RPL32: variants seen among roughly 807,000 people sequenced by gnomAD.
RPL32 encodes the protein ribosomal protein L32, also known as large ribosomal subunit protein eL32.
For missense variants in RPL32, 117 were observed against 173.7 expected, an observed-to-expected ratio of 0.67 and a Z score of 1.83; for synonymous variants, 61 against 62.6, an observed-to-expected ratio of 0.98 and a Z score of 0.12.
intron 3 of RPL32, 52 bp from the exon 4 acceptor site, chr3:12,836,275 A>G: frequency 6.3e-7 from 1 of 1,597,940 alleles, no homozygotes; most frequent in Non-Finnish European, 8.5e-7. Flanking sequence ...ACACACTTGG[A>G]AAATTCCATT....
At chr3:12,839,681 GT>G (rs2062131606) in intron 2 of RPL32, 151 bp from the exon 3 acceptor site, 10 of 816,762 alleles carry the variant, frequency 1.2e-5, no homozygotes, top group Non-Finnish European at 1.8e-5. Context: ...TACTTTTTTG[GT>G]GGGAAAAACC....
At position 12,834,754 on chromosome 3, in the gene RPL32, C is replaced by T. The variant is rs1002357374; in HGVS notation, c.*1340G>A. 1 of 152,108 alleles carries T rather than the reference C, an allele frequency of 6.6e-6. No homozygotes were observed. Among genetic ancestry groups the T allele is most frequent in the African/African-American group, 2.4e-5 (1 of 41,422 alleles). The allele number at this position is 152,108 out of a possible 1,614,324, so 9.4% of individuals were successfully genotyped here. ...GACAAAGAAATACAAGTGGCAGGCC[C>T]AAGTATTTTCTGTGATATCCCAGGT... On this transcript the variant is annotated 3_prime_UTR_variant, in exon 4 of 4. Transcript: ENST00000429711.
chr3:12,836,318 A>G (rs1019319926), intron 3 of RPL32, 95 bp from the exon 4 acceptor site: 2 of 1,476,152 alleles, frequency 1.4e-6, no homozygotes, highest in Non-Finnish European at 1.9e-6. Flanking sequence ...CCAAGCTAAG[A>G]GAGGGCTGCT....
At chr3:12,840,093 G>A (rs748940930) in intron 2 of RPL32, 49 bp downstream of exon 2, 1 of 1,430,404 alleles carries the variant, frequency 7.0e-7, no homozygotes, top group Non-Finnish European at 9.9e-7. Flanking sequence ...GAAACTGTTG[G>A]AAACTCTTTT....
chr3:12,835,969 A>T lies in RPL32; in HGVS notation c.*125T>A. 1 of 1,198,726 alleles carries T rather than the reference A, an allele frequency of 8.3e-7. No homozygotes were observed. The highest frequency in any genetic ancestry group is 1.4e-5 in the South Asian group (1 of 71,112). 74.3% of individuals were successfully genotyped at this position (1,198,726 alleles called of 1,614,324 possible). A position where few individuals can be genotyped will look rare whatever the true frequency, so the allele number is the denominator to read the frequency against. On this transcript the variant is annotated 3_prime_UTR_variant, in exon 4 of 4. Transcript: ENST00000429711. ...AAATGGGAGATTCCAAAGGGGCTTA[A>T]GCAAAAGAACAATCTCTGTGGCAAA...
intron 1 of RPL32, chr3:12,841,230 G>A (rs958776109): frequency 2.6e-5 from 4 of 152,316 alleles, no homozygotes; most frequent in Non-Finnish European, 5.9e-5. Flanking sequence ...AGGAGACCCC[G>A]AAGTCTGGCC....
chr3:12,840,098 T>C, intron 2 of RPL32, 44 bp downstream of exon 2: 1 of 1,461,928 alleles, frequency 6.8e-7, no homozygotes, highest in Non-Finnish European at 9.6e-7. Flanking sequence ...TGTTGGAAAC[T>C]CTTTTCTTCA....
At chr3:12,836,617 A>T (rs2124882533) in intron 3 of RPL32, among the ~76,000 whole-genome samples, 1 of 152,280 alleles carries the variant, frequency 6.6e-6, no homozygotes, top group Middle Eastern at 3.4e-3. Flanking sequence ...CTCTTTGCAA[A>T]ATGGTCAAGA....
intron 2 of RPL32, 48 bp downstream of exon 2, chr3:12,840,094 A>G (rs2062136277): frequency 1.5e-6 from 2 of 1,337,762 alleles, no homozygotes; most frequent in South Asian, 1.2e-5. Flanking sequence ...AAACTGTTGG[A>G]AACTCTTTTC....
chr3:12,840,251 G>C lies in RPL32; in HGVS notation c.-5-9C>G. ...GAGGGCGGCCATGATGCCTTTTGGG[G>C]AAGAAGCGGCCCCAGGTGAGGAAGA... On this transcript the variant is annotated splice_polypyrimidine_tract_variant and intron_variant, in intron 1 of 3. Coordinates refer to ENST00000429711, the MANE Select transcript of RPL32 (RefSeq NM_000994.4). The C allele has an allele frequency of 6.2e-7, 1 of 1,603,270 alleles. No homozygotes were observed. Among genetic ancestry groups the C allele is most frequent in the South Asian group, 1.1e-5 (1 of 90,870 alleles).
rs2062135457 is a variant in RPL32, at chr3:12,840,013, T to A, written c.96+129A>T. 4 of 787,990 alleles carry A rather than the reference T, an allele frequency of 5.1e-6. No homozygotes were observed. In the Admixed American group the frequency reaches 7.3e-5, roughly 14 times the overall value. The allele number at this position is 787,990 out of a possible 1,614,324, so 48.8% of individuals were successfully genotyped here. ...GCACTAGGGCACACTGGGGGAGACC[T>A]GTATTTCTACAGAAAGCTCTTCCAC... is the stretch of plus-strand genomic sequence containing the variant. On this transcript the variant is annotated intron_variant, in intron 2 of 3. Transcript: ENST00000429711.
chr3:12,840,537 G>A (rs2062143531), intron 1 of RPL32: 1 of 538,156 alleles, frequency 1.9e-6, no homozygotes, highest in Admixed American at 1.9e-5. Context: ...AATTTGCAAG[G>A]GGCAGCAAAT....
rs1200460148 is a variant in RPL32, at chr3:12,839,126, C to CCT, written c.278+222_278+223insAG. ...GCAGTCTTTTCCTGGTCTTGGGTCT[C>CCT]TACACTTAGAAGACCAAGTCACCTC... On this transcript the variant is annotated intron_variant, in intron 3 of 3. Coordinates refer to ENST00000429711, the MANE Select transcript of RPL32 (RefSeq NM_000994.4). 2.5e-5 allele frequency: 15 copies of CCT among 598,578 alleles called. No homozygotes were observed. The Middle Eastern group carries it at 1.8e-3, about 71-fold the overall frequency. The allele number at this position is 598,578 out of a possible 1,614,324, so 37.1% of individuals were successfully genotyped here. A position where few individuals can be genotyped will look rare whatever the true frequency, so the allele number is the denominator to read the frequency against.
intron 1 of RPL32, 97 bp downstream of exon 1, chr3:12,841,397 C>T (rs2062151439): frequency 6.6e-6 from 1 of 152,290 alleles, no homozygotes; most frequent in African/African-American, 2.4e-5. Flanking sequence ...ACAATACCCA[C>T]AGACACTACC....
Position 12,836,113 on chromosome 3 carries a change from C to T in RPL32, c.389G>A (p.Arg130His), listed in dbSNP as rs1382444368. 18 of 1,610,566 alleles carry T rather than the reference C, an allele frequency of 1.1e-5. No individual in the cohort carries two copies. Among genetic ancestry groups the T allele is most frequent in the African/African-American group, 2.7e-5 (2 of 74,916 alleles). The change falls in exon 4 of 4, where the codon CGC becomes CAC. Residue 130 changes from arginine to histidine, a missense_variant. By Grantham distance (29) the Arg-to-His change is conservative. Transcript: ENST00000429711. ...AGCTGCCTACTCATTTTCTTCACTG[C>T]GCAGCCTGGCATTGGGGTTGGTGAC... The part of the protein sequence containing the change: ...IRVTNPNARL[R>H]SEENE
intron 3 of RPL32, among the ~76,000 whole-genome samples, 171 bp from the exon 4 acceptor site, chr3:12,836,394 C>T (rs920228168): frequency 6.6e-6 from 1 of 152,160 alleles, no homozygotes; most frequent in Non-Finnish European, 1.5e-5. Flanking sequence ...CTGGTGGTGA[C>T]AAGAATGCTT....
intron 3 of RPL32, among the ~76,000 whole-genome samples, chr3:12,837,525 T>A (rs192702762): frequency 6.6e-6 from 1 of 152,338 alleles, no homozygotes; most frequent in African/African-American, 2.4e-5. Flanking sequence ...TATTGCCTGT[T>A]ACAGTTCAAC....
chr3:12,839,585 C>T (rs1559564510), intron 2 of RPL32, 55 bp from the exon 3 acceptor site: 1 of 1,555,580 alleles, frequency 6.4e-7, no homozygotes, highest in Non-Finnish European at 8.9e-7. Flanking sequence ...CGAACTCTTC[C>T]TTTTGGGGAG....
chr3:12,841,541 G>C lies in RPL32; in HGVS notation c.-53C>G, dbSNP rs974852413. On this transcript the variant is annotated 5_prime_UTR_variant, in exon 1 of 4. Transcript: ENST00000429711. ...TCCGTAGGCAGCGCCGAGGAAGAGA[G>C]AAGGGACGGTGGCGCGCAAGGGCTG... is the stretch of plus-strand genomic sequence containing the variant. 1 of 152,284 alleles carries C rather than the reference G, an allele frequency of 6.6e-6. No individual in the cohort carries two copies. The highest frequency in any genetic ancestry group is 2.4e-5 in the African/African-American group (1 of 41,464). The allele number at this position is 152,284 out of a possible 1,614,324, so 9.4% of individuals were successfully genotyped here.
Sources: gnomAD v4.1 joint callset for allele counts (sites outside exome capture counted in the v4.1 genomes callset) on GRCh38, gnomAD v4.1.1 for gene constraint, MANE v1.5 for transcripts, NCBI Gene and HGNC (gene_info 2026-07-23, HGNC 2026-07-21) for gene names.